The following PDPR variants were observed in gnomAD, a reference collection of about 807,000 sequenced individuals.
PDPR encodes pyruvate dehydrogenase phosphatase regulatory subunit, mitochondrial.
A neutral mutation model predicts 102.2 loss-of-function variants in PDPR; 50 were observed. The ratio of observed to expected loss-of-function variants is 0.49; its 90% CI spans 0.39 to 0.62. PDPR has a LOEUF of 0.62. PDPR is among the 20% of genes least tolerant of loss of function. The pLI, the probability that PDPR is intolerant of heterozygous loss-of-function variation, is 0.00. For synonymous variants in PDPR, 259 were observed against 406.0 expected, an observed-to-expected ratio of 0.64 and a Z score of 4.35; for missense variants, 625 against 1,098.2, an observed-to-expected ratio of 0.57 and a Z score of 6.09.
chr16:70,127,968 A>T (rs1278746732), intron 4 of PDPR, among the ~76,000 whole-genome samples: 1 of 151,648 alleles, frequency 6.6e-6, no homozygotes, highest in African/African-American at 2.4e-5. Flanking sequence ...TGCCCTTGAG[A>T]TGGTGACCTC....
intron 10 of PDPR, among the ~76,000 whole-genome samples, chr16:70,137,231 T>C (rs1351179273): frequency 2.0e-5 from 3 of 152,100 alleles, no homozygotes; most frequent in Non-Finnish European, 2.9e-5. Context: ...TGGCGGGTGC[T>C]TGTGGTCCCA....
At chr16:70,115,101 G>C (rs1398990564) in intron 2 of PDPR, among the ~76,000 whole-genome samples, 171 bp downstream of exon 2, 1 of 152,088 alleles carries the variant, frequency 6.6e-6, no homozygotes, top group Non-Finnish European at 1.5e-5. Flanking sequence ...CAGTGGCAGG[G>C]ACTTGTGTTA....
chr16:70,153,591 A>G lies in PDPR; in HGVS notation c.2235+18A>G. ...TAGAGAAGGTACTGTGTTTACCCAG[A>G]CTCCACTTTCACTCAGCATCCCGAG... On this transcript the variant is annotated intron_variant, in intron 18 of 18. Coordinates refer to ENST00000288050, the MANE Select transcript of PDPR (RefSeq NM_017990.5). The G allele has an allele frequency of 9.5e-6, 15 of 1,579,812 alleles. No homozygotes were observed. Among genetic ancestry groups the G allele is most frequent in the Non-Finnish European group, 1.3e-5 (15 of 1,164,022 alleles).
chr16:70,142,225 C>T lies in PDPR; in HGVS notation c.1316-9C>T, dbSNP rs1455241313. 1.2e-6 allele frequency: 2 copies of T among 1,613,340 alleles called. No homozygotes were observed. The highest frequency in any genetic ancestry group is 3.3e-5 in the Admixed American group (2 of 59,828). ...TTGGGCTTTGATAGACTACTCGTGT[C>T]TTTTCTAGCTTTGATGTATGATCTG... On this transcript the variant is annotated splice_polypyrimidine_tract_variant and intron_variant, in intron 11 of 18. Coordinates refer to ENST00000288050, the MANE Select transcript of PDPR (RefSeq NM_017990.5).
intron 10 of PDPR, among the ~76,000 whole-genome samples, chr16:70,137,559 G>A (rs1484093415): frequency 1.3e-5 from 2 of 152,252 alleles, no homozygotes; most frequent in African/African-American, 2.4e-5. Context: ...AAATGCAAGA[G>A]GAAAAGAGTT....
chr16:70,133,670 G>A (rs563743276), intron 9 of PDPR, among the ~76,000 whole-genome samples: 1 of 152,186 alleles, frequency 6.6e-6, no homozygotes, highest in South Asian at 2.1e-4. Context: ...TGCCTGCCTT[G>A]GTCTCCCAAA....
chr16:70,149,628 G>A (rs1405499156), intron 17 of PDPR, among the ~76,000 whole-genome samples: 1 of 152,240 alleles, frequency 6.6e-6, no homozygotes, highest in African/African-American at 2.4e-5. Flanking sequence ...GAGCTTCCTT[G>A]TTCTTTTTTT....
At chr16:70,139,806 G>A (rs1446101330) in intron 11 of PDPR, among the ~76,000 whole-genome samples, 1 of 152,218 alleles carries the variant, frequency 6.6e-6, no homozygotes, top group East Asian at 1.9e-4. Flanking sequence ...AATATTTTGG[G>A]CATACTTATG....
chr16:70,135,972 G>A (rs147256874), intron 9 of PDPR, among the ~76,000 whole-genome samples: 2 of 152,298 alleles, frequency 1.3e-5, no homozygotes, highest in East Asian at 1.9e-4. Context: ...GGCAGGCTGA[G>A]GTGAGAGAGT....
chr16:70,150,467 T>TGTA (rs1435397751), intron 17 of PDPR, among the ~76,000 whole-genome samples: 1 of 152,238 alleles, frequency 6.6e-6, no homozygotes, highest in Admixed American at 6.5e-5. Flanking sequence ...AATCAATGAT[T>TGTA]GTAGGCATGC....
At position 70,153,406 on chromosome 16, in the gene PDPR, T is replaced by C. The variant is rs1966847423; in HGVS notation, c.2068T>C (p.Tyr690His). Residue 690 changes from tyrosine (Y) to histidine (H), a missense_variant, in exon 18 of 19, where the codon TAC (tyrosine) becomes CAC (histidine). Transcript: ENST00000288050. ...YIPIEYALHV[Y>H]NEVMSVGQKY... is the part of the protein sequence containing the mutation. ...CTTCCTATAGTACGCCCTGCATGTA[T>C]ACAATGAAGTGATGAGTGTTGGCCA... 3 of 1,613,488 alleles carry C rather than the reference T, an allele frequency of 1.9e-6. No individual in the cohort carries two copies. The highest frequency in any genetic ancestry group is 2.5e-6 in the Non-Finnish European group (3 of 1,179,740).
intron 8 of PDPR, 26 bp from the exon 9 acceptor site, chr16:70,132,125 C>T (rs1373012514): frequency 1.2e-6 from 2 of 1,603,288 alleles, no homozygotes; most frequent in South Asian, 2.2e-5. Flanking sequence ...TTCCACTCCC[C>T]ACTCCATGTC....
chr16:70,153,169 G>C (rs1325801589), intron 17 of PDPR, among the ~76,000 whole-genome samples: 1 of 152,286 alleles, frequency 6.6e-6, no homozygotes, highest in Admixed American at 6.5e-5. Context: ...GAGGTGAAAA[G>C]ACATGGATCC....
chr16:70,134,285 G>C (rs1399209995), intron 9 of PDPR, among the ~76,000 whole-genome samples: 1 of 152,014 alleles, frequency 6.6e-6, no homozygotes, highest in Non-Finnish European at 1.5e-5. Flanking sequence ...GAGTGCAGTG[G>C]TGCGATCTTA....
intron 17 of PDPR, 96 bp from the exon 18 acceptor site, chr16:70,153,295 T>G (rs1347265246): frequency 1.5e-6 from 2 of 1,301,012 alleles, no homozygotes; most frequent in African/African-American, 1.5e-5. Flanking sequence ...TCCTCTCTTG[T>G]CCATGTTAAT....
At chr16:70,119,829 G>C (rs2152058941) in intron 2 of PDPR, among the ~76,000 whole-genome samples, 1 of 150,632 alleles carries the variant, frequency 6.6e-6, no homozygotes, top group Middle Eastern at 3.4e-3. Context: ...ATAAAGACAG[G>C]GACTTCCCCA....
intron 2 of PDPR, among the ~76,000 whole-genome samples, chr16:70,116,829 A>C (rs1399711789): frequency 6.6e-6 from 1 of 151,760 alleles, no homozygotes. Flanking sequence ...GGCGTGAGAC[A>C]TGGCGCCCGG....
At chr16:70,136,975 TC>T (rs1965208769) in intron 10 of PDPR, among the ~76,000 whole-genome samples, 1 of 152,222 alleles carries the variant, frequency 6.6e-6, no homozygotes, top group Non-Finnish European at 1.5e-5. Context: ...ACTCCTGACT[TC>T]AAGTGATCCA....
chr16:70,153,387 A>G lies in PDPR; in HGVS notation c.2053-4A>G, dbSNP rs370390851. 2.4e-5 allele frequency: 38 copies of G among 1,611,144 alleles called. No individual in the cohort carries two copies. The Admixed American group carries it at 5.2e-4, about 22-fold the overall frequency. The stretch of plus-strand genomic sequence containing the variant: ...GCTTATGAACTTTCTGTCTCTTCCT[A>G]TAGTACGCCCTGCATGTATACAATG... On this transcript the variant is annotated splice_polypyrimidine_tract_variant and splice_region_variant and intron_variant, in intron 17 of 18. Coordinates refer to ENST00000288050, the MANE Select transcript of PDPR (RefSeq NM_017990.5).
Sources: allele counts gnomAD v4.1 joint callset (sites outside exome capture counted in the v4.1 genomes callset), GRCh38; gene constraint gnomAD v4.1.1; transcripts MANE v1.5; gene names NCBI Gene and HGNC (gene_info 2026-07-23, HGNC 2026-07-21).